The following TLN2 variants were observed in gnomAD, a reference collection of about 807,000 sequenced individuals.
TLN2 encodes the protein talin 2, also known as talin-2.
TLN2 carries 118 observed loss-of-function variants against 294.7 expected under a neutral mutation model. That is an observed-to-expected ratio of 0.40 (90% CI 0.34 to 0.47). The LOEUF (loss-of-function observed/expected upper bound fraction) is 0.47, where lower values mean the gene tolerates loss of function less well. Ranked by LOEUF, TLN2 falls within the 20% of genes least tolerant of loss-of-function variation. TLN2 has a pLI of 0.84. For synonymous variants in TLN2, 1,431 were observed against 1,304.5 expected (o/e 1.10, Z -2.09); for missense variants, 3,083 against 3,282.2 (o/e 0.94, Z 1.48).
intron 1 of TLN2, among the ~76,000 whole-genome samples, chr15:62,563,153 T>G (rs2043118870): frequency 6.6e-6 from 1 of 152,158 alleles, no homozygotes; most frequent in Non-Finnish European, 1.5e-5. Flanking sequence ...TAATTTTAGT[T>G]CTTTAGGGAA....
chr15:62,627,478 A>C (rs139318453), intron 3 of TLN2, among the ~76,000 whole-genome samples: 1 of 152,374 alleles, frequency 6.6e-6, no homozygotes, highest in Non-Finnish European at 1.5e-5. Context: ...GAATGGTAAC[A>C]TTTAACAGTT....
chr15:62,466,528 T>C (rs542682191), intron 1 of TLN2, among the ~76,000 whole-genome samples: 1 of 152,380 alleles, frequency 6.6e-6, no homozygotes, highest in African/African-American at 2.4e-5. Flanking sequence ...AAATGTTCCC[T>C]GTGGGGTGAA....
chr15:62,483,681 C>T (rs2038231514), intron 1 of TLN2, among the ~76,000 whole-genome samples: 1 of 152,174 alleles, frequency 6.6e-6, no homozygotes, highest in African/African-American at 2.4e-5. Context: ...AAGTAGGCTC[C>T]ACTCTAAAAC....
intron 2 of TLN2, among the ~76,000 whole-genome samples, chr15:62,609,609 T>C (rs146617578): frequency 3.7e-4 from 57 of 152,308 alleles, no homozygotes; most frequent in African/African-American, 1.2e-3. Flanking sequence ...ATTCAGCTGA[T>C]GCGTCGTTGG....
chr15:62,723,569 G>C (rs1055569932), intron 26 of TLN2, among the ~76,000 whole-genome samples: 2 of 136,674 alleles, frequency 1.5e-5, no homozygotes, highest in African/African-American at 2.7e-5. Context: ...TGTGAAACAG[G>C]GTCTTGCCCT....
chr15:62,421,701 A>G (rs1031440355), intron 1 of TLN2, among the ~76,000 whole-genome samples: 3 of 152,022 alleles, frequency 2.0e-5, no homozygotes, highest in African/African-American at 7.2e-5. Flanking sequence ...GAGAGAGAGG[A>G]TCAGAGAAAA....
chr15:62,789,248 C>T (rs894076394), intron 45 of TLN2, among the ~76,000 whole-genome samples: 26 of 152,150 alleles, frequency 1.7e-4, no homozygotes, highest in Non-Finnish European at 2.9e-5. Context: ...ATGACAGTTG[C>T]GTGACTTGGC....
chr15:62,622,888 G>A (rs2048954276), intron 3 of TLN2, among the ~76,000 whole-genome samples: 1 of 152,146 alleles, frequency 6.6e-6, no homozygotes, highest in African/African-American at 2.4e-5. Context: ...AACACTCTAA[G>A]CTGTCGACAT....
At chr15:62,427,441 G>T (rs528309562) in intron 1 of TLN2, among the ~76,000 whole-genome samples, 1 of 152,280 alleles carries the variant, frequency 6.6e-6, no homozygotes, top group Non-Finnish European at 1.5e-5. Context: ...TGAGTGACTT[G>T]GAGTGAGCCC....
At chr15:62,812,595 C>T (rs749650161) in intron 52 of TLN2, among the ~76,000 whole-genome samples, 46 of 152,182 alleles carry the variant, frequency 3.0e-4, no homozygotes, top group Non-Finnish European at 5.4e-4. Flanking sequence ...GGAGAAGTGT[C>T]TCTCAGGGGA....
At chr15:62,689,846 CTTTTTT>C (rs1158144919) in intron 12 of TLN2, among the ~76,000 whole-genome samples, 117 of 15,406 alleles carry the variant, frequency 7.6e-3, no homozygotes, top group Middle Eastern at 0.1. Flanking sequence ...GTATGGGCTT[CTTTTTT>C]TTTTTTTTTT....
chr15:62,739,295 C>G, intron 30 of TLN2, 53 bp from the exon 31 acceptor site: 1 of 1,555,136 alleles, frequency 6.4e-7, no homozygotes, highest in Non-Finnish European at 8.7e-7. Context: ...TTCCTTTTAT[C>G]CCTCCCCTGC....
intron 1 of TLN2, among the ~76,000 whole-genome samples, chr15:62,480,602 G>A (rs957401046): frequency 3.9e-5 from 6 of 152,148 alleles, no homozygotes; most frequent in Non-Finnish European, 8.8e-5. Context: ...TTAAAAATAA[G>A]ACAAAGAAGT....
intron 1 of TLN2, among the ~76,000 whole-genome samples, chr15:62,474,107 A>G (rs1163233551): frequency 1.3e-5 from 2 of 152,190 alleles, no homozygotes; most frequent in African/African-American, 4.8e-5. Context: ...AACAAAACAA[A>G]ACAGAACAAA....
At chr15:62,631,681 C>T (rs1424187888) in intron 3 of TLN2, among the ~76,000 whole-genome samples, 1 of 122,208 alleles carries the variant, frequency 8.2e-6, no homozygotes, top group African/African-American at 3.2e-5. Flanking sequence ...TTCCTCCTCT[C>T]TTTCTGTCTT....
intron 2 of TLN2, among the ~76,000 whole-genome samples, chr15:62,593,731 T>C (rs1035311777): frequency 7.2e-5 from 11 of 152,336 alleles, no homozygotes; most frequent in Middle Eastern, 6.8e-3. Context: ...CTATTCTGTT[T>C]ACAACAAATC....
chr15:62,559,221 G>A (rs1375020577), intron 1 of TLN2, among the ~76,000 whole-genome samples: 2 of 152,174 alleles, frequency 1.3e-5, no homozygotes, highest in African/African-American at 4.8e-5. Flanking sequence ...AGCCTCTTCT[G>A]GGGATTGCTG....
At chr15:62,666,303 A>G (rs974155758) in intron 9 of TLN2, among the ~76,000 whole-genome samples, 4 of 152,114 alleles carry the variant, frequency 2.6e-5, no homozygotes, top group Non-Finnish European at 5.9e-5. Context: ...GGGCCTCAAG[A>G]CATGATTAGG....
chr15:62,510,169 G>A (rs1183442735), intron 1 of TLN2, among the ~76,000 whole-genome samples: 3 of 152,128 alleles, frequency 2.0e-5, no homozygotes, highest in Non-Finnish European at 4.4e-5. Flanking sequence ...CAAATGGCTC[G>A]TGTTCAGCTT....
Sources: allele counts gnomAD v4.1 joint callset (sites outside exome capture counted in the v4.1 genomes callset), GRCh38; gene constraint gnomAD v4.1.1; transcripts MANE v1.5; gene names NCBI Gene and HGNC (gene_info 2026-07-23, HGNC 2026-07-21).